The following MUC6 variants were observed in gnomAD, a reference collection of about 807,000 sequenced individuals.
The protein encoded by MUC6 is mucin 6, oligomeric mucus/gel-forming (gene/pseudogene), also known as mucin-6.
MUC6 carries 188 observed loss-of-function variants against 201.5 expected under a neutral mutation model. That is an observed-to-expected ratio of 0.93 (90% CI 0.83 to 1.05). The LOEUF (loss-of-function observed/expected upper bound fraction) is 1.05. MUC6 is among the 50% of genes least tolerant of loss of function. The pLI is 0.00. For missense variants in MUC6, 2,706 were observed against 3,256.9 expected, an observed-to-expected ratio of 0.83 and a Z score of 4.12; for synonymous variants, 1,228 against 1,389.4, an observed-to-expected ratio of 0.88 and a Z score of 2.58.
intron 1 of MUC6, among the ~76,000 whole-genome samples, chr11:1,034,162 G>T (rs979715086): frequency 6.7e-6 from 1 of 150,370 alleles, no homozygotes; most frequent in Non-Finnish European, 1.5e-5. Flanking sequence ...CCCCTTGGCC[G>T]CCTGGGTGAG....
chr11:1,030,347 C>G lies in MUC6; in HGVS notation c.893-12G>C. The stretch of plus-strand genomic sequence containing the variant: ...GCACTGACCCACGGCTGTGGGCACA[C>G]GCGGCTCCGGTGAGAGGGTCCCACC... On this transcript the variant is annotated splice_polypyrimidine_tract_variant and intron_variant, in intron 7 of 32. Coordinates refer to ENST00000421673, the MANE Select transcript of MUC6 (RefSeq NM_005961.3). 1.3e-6 allele frequency: 2 copies of G among 1,546,546 alleles called. No homozygotes were observed. The highest frequency in any genetic ancestry group is 1.7e-6 in the Non-Finnish European group (2 of 1,146,196).
At position 1,015,919 on chromosome 11, in the gene MUC6, A is replaced by G. The variant is rs757605813; in HGVS notation, c.6882T>C (p.Gly2294=). The change falls in exon 31 of 33, where the codon GGT becomes GGC. Residue 2294 remains glycine, a synonymous_variant. Coordinates refer to ENST00000421673, the MANE Select transcript of MUC6 (RefSeq NM_005961.3). The stretch of plus-strand genomic sequence containing the variant: ...GGTTGGTGACTGGAGAGGTGGGGAT[A>G]CCCGTCACCCCCGAGGTGAGTGACA... ...GFVSLTSGVT[G]IPTSPVTNLT... The G allele has an allele frequency of 1.2e-6, 2 of 1,602,922 alleles. No homozygotes were observed. Among genetic ancestry groups the G allele is most frequent in the Non-Finnish European group, 1.7e-6 (2 of 1,173,784 alleles).
chr11:1,031,864 C>T lies in MUC6; in HGVS notation c.305G>A (p.Gly102Glu). The T allele has an allele frequency of 6.2e-7, 1 of 1,612,740 alleles. No homozygotes were observed. Among genetic ancestry groups the T allele is most frequent in the Non-Finnish European group, 8.5e-7 (1 of 1,179,854 alleles). Residue 102 changes from glycine (G) to glutamate (E), a missense_variant, in exon 3 of 33, where the codon GGG (glycine) becomes GAG (glutamate). Gly to Glu is a moderately conservative substitution (Grantham distance 98). Transcript: ENST00000421673. ...GSISRIIVELGASVVTVSEAI... is the reference protein window; with the variant it reads ...GSISRIIVELEASVVTVSEAI... ...TTCGCTCACAGTGACGACGGAGGCC[C>T]CCAGCTCCACGATGATCCGCGAGAT...
intron 1 of MUC6, among the ~76,000 whole-genome samples, chr11:1,035,380 C>A (rs922269818): frequency 6.6e-6 from 1 of 152,202 alleles, no homozygotes; most frequent in African/African-American, 2.4e-5. Flanking sequence ...CTTCCTGGCA[C>A]TTGTCCCCAA....
chr11:1,018,766 T>A lies in MUC6; in HGVS notation c.4035A>T (p.Lys1345Asn). 1 of 1,559,142 alleles carries A rather than the reference T, an allele frequency of 6.4e-7. No individual in the cohort carries two copies. The highest frequency in any genetic ancestry group is 1.7e-4 in the Middle Eastern group (1 of 5,774). ...TTCCTGGCAGTTCCTGATTGGTCGA[T>A]TTTGCTGTGGGAATTGGTGAAGTTG... ...ATSGTSPTLP[K>N]STNQELPGTT... Residue 1345 changes from lysine (K) to asparagine (N), a missense_variant, in exon 31 of 33, where the codon AAA becomes AAT. Physicochemically the swap from Lys to Asn is moderately conservative, Grantham distance 94 (BLOSUM62 0). This residue lies in a region of MUC6 where 1,850 missense variants were observed against 1,958.3 expected (regional missense o/e 0.94). Transcript: ENST00000421673.
Position 1,013,456 on chromosome 11 carries a change from C to G in MUC6, c.7320G>C (p.Ter2440TyrextTer10), listed in dbSNP as rs1316325029. 1 of 1,576,496 alleles carries G rather than the reference C, an allele frequency of 6.3e-7. No individual in the cohort carries two copies. Among genetic ancestry groups the G allele is most frequent in the Non-Finnish European group, 8.6e-7 (1 of 1,162,658 alleles). Residue 2440 changes from the stop codon to tyrosine, a stop_lost, in exon 33 of 33, where the codon TAG (stop) becomes TAC (tyrosine). Coordinates refer to ENST00000421673, the MANE Select transcript of MUC6 (RefSeq NM_005961.3). ...CVCSSVACGD[*>Y] ...CCCAGGAGAGCAGGCAGCGACCCTGCTAGTCTCCACAGGCCACAGAGCTGC... is the reference window on the plus strand; with the variant it reads ...CCCAGGAGAGCAGGCAGCGACCCTGGTAGTCTCCACAGGCCACAGAGCTGC...
At position 1,025,673 on chromosome 11, in the gene MUC6, C is replaced by A. The variant is rs527358653; in HGVS notation, c.2799+132G>T. On this transcript the variant is annotated intron_variant, in intron 22 of 32. Transcript: ENST00000421673. The stretch of plus-strand genomic sequence containing the variant: ...TGGCCAGGGAGGGGCAGCAGGCACC[C>A]CTCAAGGAGAGGCAGGCGGGGAGGG... 2.4e-4 allele frequency: 219 copies of A among 913,634 alleles called. 1 individual carries two copies. The South Asian group carries it at 3.1e-3, about 13-fold the overall frequency. The allele number at this position is 913,634 out of a possible 1,614,324, so 56.6% of individuals were successfully genotyped here.
In MUC6 at chr11:1,030,298, C is replaced by T. The variant is rs771798730; in HGVS notation, c.930G>A (p.Glu310=). 6.5e-7 allele frequency: 1 copy of T among 1,549,312 alleles called. No homozygotes were observed. Among genetic ancestry groups the T allele is most frequent in the Non-Finnish European group, 8.7e-7 (1 of 1,146,878 alleles). ...AGGTCTTCACGCAGGCCGAGCCGCACTCCTGGTACACCTGGTTGGCCGGGC... is the reference window on the plus strand; with the variant it reads ...AGGTCTTCACGCAGGCCGAGCCGCATTCCTGGTACACCTGGTTGGCCGGGC... ...GQCPANQVYQ[E]CGSACVKTCS... is the part of the protein sequence containing the mutation. The change falls in exon 8 of 33, where the codon GAG becomes GAA. Residue 310 remains glutamate (E), a synonymous_variant. Coordinates refer to ENST00000421673, the MANE Select transcript of MUC6 (RefSeq NM_005961.3).
In MUC6 at chr11:1,036,621, C is replaced by T. The variant is rs1786898512; in HGVS notation, c.35G>A (p.Gly12Glu). ...TCACTCACCAGCGCTGAGCAGGGCTCCGCAGCAGGACAGCAGCAGCCACCG... is the reference window on the plus strand; with the variant it reads ...TCACTCACCAGCGCTGAGCAGGGCTTCGCAGCAGGACAGCAGCAGCCACCG... ...VQRWLLLSCC[G>E]ALLSAGLANT... Residue 12 changes from glycine (G) to glutamate (E), a missense_variant, in exon 1 of 33, where the codon GGA becomes GAA. Coordinates refer to ENST00000421673, the MANE Select transcript of MUC6 (RefSeq NM_005961.3). The T allele has an allele frequency of 1.3e-6, 2 of 1,548,536 alleles. No homozygotes were observed. The highest frequency in any genetic ancestry group is 1.4e-5 in the African/African-American group (1 of 73,016).
chr11:1,034,286 C>A (rs889011480), intron 1 of MUC6, among the ~76,000 whole-genome samples: 1 of 152,186 alleles, frequency 6.6e-6, no homozygotes, highest in Non-Finnish European at 1.5e-5. Context: ...GCCTTGAGAT[C>A]GTTTTCTGAT....
Position 1,025,272 on chromosome 11 carries a change from G to A in MUC6, c.2895C>T (p.Val965=), listed in dbSNP as rs551147285. The A allele has an allele frequency of 9.1e-5, 147 of 1,612,802 alleles. 2 individuals are homozygous for A. The South Asian group carries it at 1.3e-3, about 15-fold the overall frequency. The stretch of plus-strand genomic sequence containing the variant: ...ACCTCCCGGGGATGCTGATGTCCAC[G>A]ACAAGGCTCAGCGCACCCGGCGTCA... ...LGVTPGALSL[V]VDISIPGRYN... The change falls in exon 23 of 33, where the codon GTC becomes GTT. Residue 965 remains valine (V), a synonymous_variant. Transcript: ENST00000421673.
At chr11:1,032,767 TG>T (rs1377947201) in intron 2 of MUC6, among the ~76,000 whole-genome samples, 1 of 150,582 alleles carries the variant, frequency 6.6e-6, no homozygotes, top group Non-Finnish European at 1.5e-5. Context: ...TGTAGAGTGT[TG>T]GGTGTGTGTG....
chr11:1,030,366 T>TGCCCCCCCCCCCCCCCCC, intron 7 of MUC6, 31 bp from the exon 8 acceptor site: 29 of 1,489,498 alleles, frequency 1.9e-5, no homozygotes, highest in East Asian at 2.5e-5. Flanking sequence ...GGTGAGAGGG[T>TGCCCCCCCCCCCCCCCCC]CCCACCCCCC....
In MUC6 at chr11:1,016,461, AG is replaced by A. The variant is rs1256615725; in HGVS notation, c.6339del (p.Leu2114Ter). 2 of 1,613,614 alleles carry A rather than the reference AG, an allele frequency of 1.2e-6. No individual in the cohort carries two copies. The highest frequency in any genetic ancestry group is 2.7e-5 in the African/African-American group (2 of 74,826). ...PSSPITTQLPHLSSATTPVST... is the reference protein window; with the variant it reads ...PSSPITTQLPXLSSATTPVST... ...GAAACAGGAGTGGTTGCAGAACTCAAGTGGGGGAGTTGTGTGGTGATAGGTG... is the reference window on the plus strand; with the variant it reads ...GAAACAGGAGTGGTTGCAGAACTCAATGGGGGAGTTGTGTGGTGATAGGTG... On this transcript the variant is annotated frameshift_variant, in exon 31 of 33. Transcript: ENST00000421673. LOFTEE classifies it high-confidence loss of function.
intron 8 of MUC6, 97 bp from the exon 9 acceptor site, chr11:1,029,712 A>G: frequency 6.9e-7 from 1 of 1,446,604 alleles, no homozygotes; most frequent in Non-Finnish European, 9.1e-7. Flanking sequence ...GCCTGGCTCC[A>G]GGGAGACGCC....
chr11:1,014,096 C>A (rs1312056892), intron 31 of MUC6, 95 bp from the exon 32 acceptor site: 4 of 998,580 alleles, frequency 4.0e-6, no homozygotes, highest in Admixed American at 2.1e-5. Context: ...CCACCTGTCT[C>A]TGGACTCTCC....
At position 1,026,063 on chromosome 11, in the gene MUC6, G is replaced by A. The variant is rs761090471; in HGVS notation, c.2625C>T (p.His875=). The change falls in exon 21 of 33, where the codon CAC becomes CAT. Residue 875 remains histidine, a synonymous_variant. Transcript: ENST00000421673. Reference sequence around the variant, plus strand: ...AGCGCTGGCCGTCGAAGGTGATGACGTGGCCCTCCCCGTAGAGGGTGCAGG... The same window carrying A: ...AGCGCTGGCCGTCGAAGGTGATGACATGGCCCTCCCCGTAGAGGGTGCAGG... The part of the protein sequence containing the change: ...PSTCTLYGEG[H]VITFDGQRFV... 7.5e-6 allele frequency: 12 copies of A among 1,595,830 alleles called. No homozygotes were observed. The highest frequency in any genetic ancestry group is 1.3e-5 in the African/African-American group (1 of 74,636).
In MUC6 at chr11:1,030,223, G is replaced by A. The variant is rs1384664573; in HGVS notation, c.1005C>T (p.Phe335=). The A allele has an allele frequency of 6.5e-7, 1 of 1,549,732 alleles. No homozygotes were observed. Among genetic ancestry groups the A allele is most frequent in the Non-Finnish European group, 8.7e-7 (1 of 1,147,892 alleles). Residue 335 remains phenylalanine (F), a synonymous_variant, in exon 8 of 33, where the codon TTC becomes TTT. Transcript: ENST00000421673. The part of the protein sequence containing the change: ...SCSSSCTFGC[F]CPEGTVLNDL... ...TGCGACTGCCCTCACCTTCCGGGCA[G>A]AAGCACCCGAAGGTGCAGGAGCTGG...
intron 30 of MUC6, 81 bp downstream of exon 30, chr11:1,019,194 A>C: frequency 1.4e-6 from 2 of 1,449,420 alleles, no homozygotes; most frequent in Non-Finnish European, 1.9e-6. Context: ...GGTCTTCTTT[A>C]TGGCTGAATC....
Sources: allele counts gnomAD v4.1 joint callset (sites outside exome capture counted in the v4.1 genomes callset), GRCh38; gene constraint gnomAD v4.1.1; regional missense constraint gnomAD v4.1.1; transcripts MANE v1.5; gene names NCBI Gene and HGNC (gene_info 2026-07-23, HGNC 2026-07-21).